Variants in IL1RAPL2 observed in about 807,000 individuals in gnomAD.
IL1RAPL2 encodes the protein X-linked interleukin-1 receptor accessory protein-like 2.
Under a neutral mutation model 44.1 loss-of-function variants are expected in IL1RAPL2, and 3 were observed. That is an observed-to-expected ratio of 0.07 (90% CI 0.03 to 0.18). The LOEUF (loss-of-function observed/expected upper bound fraction) is 0.18. Among genes scored for constraint, IL1RAPL2 ranks in the 10% least tolerant of loss-of-function variants. The probability of loss-of-function intolerance (pLI) is 1.00; values close to 1 mark genes in which losing one functional copy is unlikely to be tolerated. For missense variants in IL1RAPL2, 391 were observed against 496.4 expected, an observed-to-expected ratio of 0.79 and a Z score of 2.02; for synonymous variants, 181 against 178.8, an observed-to-expected ratio of 1.01 and a Z score of -0.10.
At chrX:105,425,178 T>C (rs1213996999) in intron 5 of IL1RAPL2, among the ~76,000 whole-genome samples, 2 of 111,512 alleles carry the variant, frequency 1.8e-5, no homozygotes, top group Non-Finnish European at 3.8e-5. Flanking sequence ...GCATTCTGAC[T>C]AAACCTTGGA....
At chrX:105,193,524 CAATA>C (rs1227428850) in intron 2 of IL1RAPL2, among the ~76,000 whole-genome samples, 1 of 111,664 alleles carries the variant, frequency 9.0e-6, no homozygotes. Flanking sequence ...GATGATAAAA[CAATA>C]AATATTAAAG....
intron 7 of IL1RAPL2, 132 bp from the exon 8 acceptor site, chrX:105,740,414 A>T (rs1340747628): frequency 3.5e-6 from 2 of 569,013 alleles, no homozygotes; most frequent in East Asian, 3.4e-5. Context: ...CCACCCACAC[A>T]TACACCCAGC....
chrX:105,130,659 A>G (rs1206416164), intron 2 of IL1RAPL2, among the ~76,000 whole-genome samples: 38 of 111,456 alleles, frequency 3.4e-4, no homozygotes, highest in Non-Finnish European at 1.7e-4. Flanking sequence ...TGTTATACAA[A>G]TAGATATATC....
intron 2 of IL1RAPL2, among the ~76,000 whole-genome samples, chrX:104,863,749 T>C (rs898195574): frequency 2.7e-5 from 3 of 112,167 alleles, no homozygotes; most frequent in Non-Finnish European, 5.6e-5. Context: ...GACTAAGACA[T>C]AGCTTCTATC....
chrX:105,686,010 T>G (rs913036357), intron 6 of IL1RAPL2, among the ~76,000 whole-genome samples: 17 of 111,290 alleles, frequency 1.5e-4, no homozygotes, highest in Non-Finnish European at 3.0e-4. Flanking sequence ...TGCTGAGAGA[T>G]TTTGTCACCA....
At chrX:105,489,846 G>A (rs2036302859) in intron 6 of IL1RAPL2, among the ~76,000 whole-genome samples, 1 of 62,666 alleles carries the variant, frequency 1.6e-5, no homozygotes, top group Admixed American at 2.3e-4. Context: ...TTTTTTTCTT[G>A]AGATGAAGCC....
chrX:105,363,344 A>G (rs1380485399), intron 5 of IL1RAPL2, among the ~76,000 whole-genome samples: 2 of 91,910 alleles, frequency 2.2e-5, no homozygotes, highest in African/African-American at 8.5e-5. Flanking sequence ...TCATTCATTC[A>G]TTGATGAACA....
intron 2 of IL1RAPL2, among the ~76,000 whole-genome samples, chrX:104,970,303 T>C (rs1274160254): frequency 9.0e-6 from 1 of 111,613 alleles, no homozygotes; most frequent in Non-Finnish European, 1.9e-5. Context: ...ACAGAGCAAG[T>C]GAGCCCCAAA....
intron 5 of IL1RAPL2, among the ~76,000 whole-genome samples, chrX:105,324,862 C>T (rs2034924129): frequency 8.9e-6 from 1 of 111,992 alleles, no homozygotes; most frequent in Non-Finnish European, 1.9e-5. Flanking sequence ...TAAAATGTTA[C>T]TAGTCTTGGC....
At chrX:105,450,973 A>G in intron 5 of IL1RAPL2, among the ~76,000 whole-genome samples, 1 of 107,262 alleles carries the variant, frequency 9.3e-6, no homozygotes, top group Non-Finnish European at 1.9e-5. Flanking sequence ...TATGATTGTT[A>G]GTGTTGATAT....
intron 1 of IL1RAPL2, among the ~76,000 whole-genome samples, chrX:104,643,353 C>T (rs541346046): frequency 3.1e-4 from 35 of 111,546 alleles, no homozygotes; most frequent in South Asian, 1.1e-3. Flanking sequence ...GGCTAGTAAT[C>T]GTTACGATTA....
At chrX:104,986,480 G>T (rs2030563248) in intron 2 of IL1RAPL2, among the ~76,000 whole-genome samples, 1 of 112,091 alleles carries the variant, frequency 8.9e-6, no homozygotes, top group Admixed American at 9.5e-5. Context: ...TTTTTTGTCT[G>T]CTAGAAATAG....
intron 6 of IL1RAPL2, among the ~76,000 whole-genome samples, chrX:105,516,205 T>G (rs1602446596): frequency 8.9e-6 from 1 of 112,442 alleles, no homozygotes; most frequent in Admixed American, 9.4e-5. Flanking sequence ...TTTCACCAGG[T>G]GCATATTGTT....
chrX:105,652,154 C>G (rs1012340655), intron 6 of IL1RAPL2, among the ~76,000 whole-genome samples: 2 of 111,676 alleles, frequency 1.8e-5, no homozygotes, highest in African/African-American at 6.5e-5. Context: ...TTTCTTTGTA[C>G]TAAGTTGTGT....
chrX:105,109,146 A>ACT (rs1230981321), intron 2 of IL1RAPL2, among the ~76,000 whole-genome samples: 1 of 111,054 alleles, frequency 9.0e-6, no homozygotes, highest in Non-Finnish European at 1.9e-5. Flanking sequence ...AGAAAGCTGC[A>ACT]CTCTCTCTTT....
chrX:105,337,663 G>A (rs915020620), intron 5 of IL1RAPL2, among the ~76,000 whole-genome samples: 16 of 111,534 alleles, frequency 1.4e-4, no homozygotes, highest in East Asian at 2.8e-4. Context: ...AGGCTGAGGC[G>A]GGCGGATCAC....
chrX:105,029,434 A>G, intron 2 of IL1RAPL2, among the ~76,000 whole-genome samples: 1 of 75,017 alleles, frequency 1.3e-5, no homozygotes, highest in Non-Finnish European at 2.3e-5. Flanking sequence ...CCAGAGTGTG[A>G]TGTTCCCCTT....
At chrX:104,750,544 A>G (rs1569307975) in intron 2 of IL1RAPL2, among the ~76,000 whole-genome samples, 1 of 110,893 alleles carries the variant, frequency 9.0e-6, no homozygotes, top group African/African-American at 3.3e-5. Flanking sequence ...ATGTTTTAGC[A>G]GAGTGGAGCC....
intron 4 of IL1RAPL2, among the ~76,000 whole-genome samples, chrX:105,257,118 G>A (rs2034321940): frequency 9.0e-6 from 1 of 111,731 alleles, no homozygotes; most frequent in Admixed American, 9.5e-5. Context: ...CTGTGTCCCA[G>A]AGATTCTGGT....
Sources: gnomAD v4.1 joint callset for allele counts (sites outside exome capture counted in the v4.1 genomes callset) on GRCh38, gnomAD v4.1.1 for gene constraint, MANE v1.5 for transcripts, NCBI Gene and HGNC (gene_info 2026-07-23, HGNC 2026-07-21) for gene names.